ANKRD46: variants seen among roughly 807,000 people sequenced by gnomAD.
ANKRD46 encodes ankyrin repeat domain 46, also known as ankyrin repeat domain-containing protein 46.
In ANKRD46, 13 loss-of-function variants were observed where a neutral mutation model predicts 19.8. The ratio of observed to expected loss-of-function variants is 0.66; its 90% CI spans 0.43 to 1.04. The LOEUF is 1.04. Among genes scored for constraint, ANKRD46 ranks in the 50% least tolerant of loss-of-function variants. The pLI, the probability that ANKRD46 is intolerant of heterozygous loss-of-function variation, is 0.00. For synonymous variants in ANKRD46, 91 were observed against 106.9 expected, an observed-to-expected ratio of 0.85 and a Z score of 0.92; for missense variants, 185 against 274.8, an observed-to-expected ratio of 0.67 and a Z score of 2.31.
At position 100,550,337 on chromosome 8, in the gene ANKRD46, G is replaced by A. The variant is rs190417189; in HGVS notation, c.-131+9374C>T. On this transcript the variant is annotated intron_variant, in intron 1 of 4. Transcript: ENST00000335659. This position sits in a 1 kb window ranked among gnomAD's most constrained non-coding sequence, Gnocchi z 4.4. ...CTCACCAGCATTTGGTGTTGTCAGC[G>A]TTCTAGATTTTAGTTAGCCATTTTA... Among the ~76,000 whole-genome samples, 20 of 152,294 alleles carry A rather than the reference G, an allele frequency of 1.3e-4. No individual in the cohort carries two copies. The highest frequency in any genetic ancestry group is 4.1e-4 in the African/African-American group (17 of 41,566).
chr8:100,551,132 CCA>C (rs1173180002), intron 1 of ANKRD46: 2 of 457,452 alleles, frequency 4.4e-6, no homozygotes, highest in African/African-American at 4.0e-5. Context: ...CAGACATATG[CCA>C]CAGTTTCCCA....
At chr8:100,520,441 T>C (rs753275801), downstream of ANKRD46, among the ~76,000 whole-genome samples, 10 of 152,144 alleles carry the variant, frequency 6.6e-5, no homozygotes, top group Non-Finnish European at 1.0e-4. Context: ...ACAAGTTACT[T>C]AGCCATCCCT....
At position 100,557,763 on chromosome 8, in the gene ANKRD46, C is replaced by T. The variant is rs1023131471; in HGVS notation, c.-131+1948G>A. On this transcript the variant is annotated intron_variant, in intron 1 of 4. Transcript: ENST00000335659. The surrounding 1 kb of genome is among the most constrained non-coding windows in gnomAD (Gnocchi z 5.9). ...GGCTTTTGCCCTTGCTTGGTATGCT[C>T]TTTCCCTAGACAGCTGCATGGCGGT... Among the ~76,000 whole-genome samples the T allele has an allele frequency of 6.6e-6, 1 of 152,198 alleles. No homozygotes were observed. The highest frequency in any genetic ancestry group is 2.4e-5 in the African/African-American group (1 of 41,452).
Position 100,536,380 on chromosome 8 carries a change from A to G in ANKRD46, c.-130-3069T>C, listed in dbSNP as rs1471034020. ...TTTCTTGTCAGATGCTGTTAAAAAAACTTGATTACTCCACCCAGAATGTAT... is the reference window on the plus strand; with the variant it reads ...TTTCTTGTCAGATGCTGTTAAAAAAGCTTGATTACTCCACCCAGAATGTAT... On this transcript the variant is annotated intron_variant, in intron 1 of 4. Transcript: ENST00000335659. This position sits in a 1 kb window ranked among gnomAD's most constrained non-coding sequence, Gnocchi z 4.9. Among the ~76,000 whole-genome samples the G allele has an allele frequency of 2.6e-5, 4 of 152,182 alleles. No individual in the cohort carries two copies. The highest frequency in any genetic ancestry group is 5.9e-5 in the Non-Finnish European group (4 of 68,036).
At chr8:100,548,984 C>T (rs1411338145) in intron 1 of ANKRD46, among the ~76,000 whole-genome samples, 4 of 150,944 alleles carry the variant, frequency 2.6e-5, no homozygotes, top group African/African-American at 7.3e-5. Flanking sequence ...TATTATGTAT[C>T]CACAAAGATT....
chr8:100,512,876 A>C (rs1811569002), intron 5 of ANKRD46, among the ~76,000 whole-genome samples: 1 of 152,170 alleles, frequency 6.6e-6, no homozygotes. Context: ...TTCCCTGTTC[A>C]ATGTAAACCT....
chr8:100,542,097 G>C (rs1410980442), intron 1 of ANKRD46, among the ~76,000 whole-genome samples: 1 of 152,000 alleles, frequency 6.6e-6, no homozygotes, highest in African/African-American at 2.4e-5. Flanking sequence ...GGGTGGACAA[G>C]GGCCCTCCTC....
chr8:100,513,266 TCA>T (rs1491172479), intron 5 of ANKRD46, among the ~76,000 whole-genome samples: 66 of 152,334 alleles, frequency 4.3e-4, no homozygotes, highest in African/African-American at 1.6e-3. Flanking sequence ...GAGCACAAAA[TCA>T]CTGGAGTGAG....
intron 5 of ANKRD46, among the ~76,000 whole-genome samples, chr8:100,514,738 C>CA (rs1298798991): frequency 3.3e-5 from 5 of 150,146 alleles, no homozygotes; most frequent in African/African-American, 1.2e-4. Context: ...TCCCAGAGCT[C>CA]AAGTGATTCT....
At chr8:100,517,962 A>G (rs138599352), downstream of ANKRD46, among the ~76,000 whole-genome samples, 34 of 152,200 alleles carry the variant, frequency 2.2e-4, no homozygotes, top group Middle Eastern at 3.4e-3. Flanking sequence ...AGGCCGAGGC[A>G]GGCAGATCAC....
chr8:100,520,089 C>T (rs1443794499), downstream of ANKRD46, among the ~76,000 whole-genome samples: 3 of 151,996 alleles, frequency 2.0e-5, no homozygotes, highest in Admixed American at 1.3e-4. Flanking sequence ...AGTAATAAAA[C>T]TGAGTGTGGT....
chr8:100,550,426 C>T lies in ANKRD46; in HGVS notation c.-131+9285G>A, dbSNP rs909801008. On this transcript the variant is annotated intron_variant, in intron 1 of 4. Coordinates refer to ENST00000335659, the MANE Select transcript of ANKRD46 (RefSeq NM_001270377.2). This position sits in a 1 kb window ranked among gnomAD's most constrained non-coding sequence, Gnocchi z 4.4. ...TTCCCTGATGACATATGACGTGGAGCATCTTTTTCATATGTTTATTTGCCA... is the reference window on the plus strand; with the variant it reads ...TTCCCTGATGACATATGACGTGGAGTATCTTTTTCATATGTTTATTTGCCA... 2 of 152,212 alleles carry T rather than the reference C, an allele frequency of 1.3e-5. No homozygotes were observed. The highest frequency in any genetic ancestry group is 4.8e-5 in the African/African-American group (2 of 41,404). The allele number at this position is 152,212 out of a possible 1,614,324, so 9.4% of individuals were successfully genotyped here.
chr8:100,534,667 T>A lies in ANKRD46; in HGVS notation c.-130-1356A>T, dbSNP rs1812028424. ...GCTCACATTAGGGAAAAAGAAAAAA[T>A]TTTGTTTTTCATCTAGAGATGGAAT... On this transcript the variant is annotated intron_variant, in intron 1 of 4. Coordinates refer to ENST00000335659, the MANE Select transcript of ANKRD46 (RefSeq NM_001270377.2). This position sits in a 1 kb window ranked among gnomAD's most constrained non-coding sequence, Gnocchi z 4.2. Among the ~76,000 whole-genome samples the A allele has an allele frequency of 6.6e-6, 1 of 152,100 alleles. No homozygotes were observed. Among genetic ancestry groups the A allele is most frequent in the South Asian group, 2.1e-4 (1 of 4,826 alleles).
chr8:100,535,253 G>A (rs995528372), intron 1 of ANKRD46, among the ~76,000 whole-genome samples: 1 of 152,212 alleles, frequency 6.6e-6, no homozygotes, highest in African/African-American at 2.4e-5. Flanking sequence ...TCCCTAAGAA[G>A]TCATAAAGTG....
rs892874886 is a variant in ANKRD46 at position 100,543,436 on chromosome 8, G to A, written c.-130-10125C>T. 2.0e-5 allele frequency among the ~76,000 whole-genome samples: 3 copies of A among 152,148 alleles called. No individual in the cohort carries two copies. The highest frequency in any genetic ancestry group is 7.2e-5 in the African/African-American group (3 of 41,448). ...AATTTTCTAAATGACTTGTAGATAG[G>A]AGCAGGACACAATATAAAACTGTTA... On this transcript the variant is annotated intron_variant, in intron 1 of 4. Transcript: ENST00000335659. This position sits in a 1 kb window ranked among gnomAD's most constrained non-coding sequence, Gnocchi z 4.2.
chr8:100,538,360 ACTTT>A lies in ANKRD46; in HGVS notation c.-130-5053_-130-5050del, dbSNP rs573804661. 2.2e-4 allele frequency among the ~76,000 whole-genome samples: 33 copies of A among 152,326 alleles called. No individual in the cohort carries two copies. The South Asian group carries it at 6.8e-3, about 32-fold the overall frequency. On this transcript the variant is annotated intron_variant, in intron 1 of 4. Coordinates refer to ENST00000335659, the MANE Select transcript of ANKRD46 (RefSeq NM_001270377.2). ...ATCTATACTGAACACGTATGTACAG[ACTTT>A]CTTTCTTGTCATTATTCCCTAAACA...
At chr8:100,549,700 T>C (rs1263968076) in intron 1 of ANKRD46, among the ~76,000 whole-genome samples, 2 of 152,194 alleles carry the variant, frequency 1.3e-5, no homozygotes, top group African/African-American at 4.8e-5. Context: ...CACATCATTA[T>C]CACCCAGAGT....
At chr8:100,533,173 C>T (rs904544222) in intron 2 of ANKRD46, 36 bp downstream of exon 2, 1 of 152,240 alleles carries the variant, frequency 6.6e-6, no homozygotes, top group African/African-American at 2.4e-5. Flanking sequence ...GAAGGTTTCA[C>T]ATCTTGTGAG....
intron 1 of ANKRD46, among the ~76,000 whole-genome samples, chr8:100,547,331 G>A (rs1812292914): frequency 6.6e-6 from 1 of 152,154 alleles, no homozygotes; most frequent in Non-Finnish European, 1.5e-5. Context: ...GAGTTCTCAT[G>A]AGATCTGATG....
Sources: allele counts gnomAD v4.1 joint callset (sites outside exome capture counted in the v4.1 genomes callset), GRCh38; gene constraint gnomAD v4.1.1; non-coding constraint Gnocchi (gnomAD v3.1); transcripts MANE v1.5; gene names NCBI Gene and HGNC (gene_info 2026-07-23, HGNC 2026-07-21).